ZBTB7C: variants seen among roughly 807,000 people sequenced by gnomAD.
The protein encoded by ZBTB7C is zinc finger and BTB domain containing 7C.
Under a neutral mutation model 25.7 loss-of-function variants are expected in ZBTB7C, and 8 were observed. The observed-to-expected ratio is 0.31, with a 90% CI of 0.18 to 0.56. The LOEUF is 0.56. ZBTB7C is among the 20% of genes least tolerant of loss of function. ZBTB7C has a pLI of 0.91. For synonymous variants in ZBTB7C, 394 were observed against 369.0 expected (o/e 1.07, Z -0.78); for missense variants, 824 against 855.2 (o/e 0.96, Z 0.46).
At chr18:48,296,933 T>C (rs1006338032) in intron 2 of ZBTB7C, among the ~76,000 whole-genome samples, 5 of 152,126 alleles carry the variant, frequency 3.3e-5, no homozygotes, top group African/African-American at 1.2e-4. Flanking sequence ...CCAAACCCCG[T>C]CTCTACTAAA....
chr18:48,285,537 A>G (rs2045017174), intron 2 of ZBTB7C, among the ~76,000 whole-genome samples: 1 of 152,080 alleles, frequency 6.6e-6, no homozygotes, highest in Non-Finnish European at 1.5e-5. Context: ...TTTTTTGTAG[A>G]GATGAGGTCT....
Position 48,207,434 on chromosome 18 carries a change from T to TA in ZBTB7C, c.-78-21440dup, listed in dbSNP as rs1416561981. On this transcript the variant is annotated intron_variant, in intron 2 of 4. Coordinates refer to ENST00000590800, the MANE Select transcript of ZBTB7C (RefSeq NM_001318841.2). ...AAATATCCATCAACAATAAAATGGGTAAAAAAAGTGTGGCATAGTTACTGC... is the reference window on the plus strand; with the variant it reads ...AAATATCCATCAACAATAAAATGGGTAAAAAAAAGTGTGGCATAGTTACTGC... Among the ~76,000 whole-genome samples the TA allele has an allele frequency of 3.9e-5, 6 of 152,060 alleles. No homozygotes were observed. In the South Asian group the frequency reaches 1.2e-3, roughly 32 times the overall value.
chr18:48,194,186 C>G (rs2042264652), intron 2 of ZBTB7C, among the ~76,000 whole-genome samples: 1 of 152,338 alleles, frequency 6.6e-6, no homozygotes, highest in Admixed American at 6.5e-5. Context: ...GCTGCCCAAT[C>G]TGGGTCCTCT....
chr18:48,130,726 AG>A (rs2039961718), intron 3 of ZBTB7C, among the ~76,000 whole-genome samples: 2 of 152,152 alleles, frequency 1.3e-5, no homozygotes, highest in South Asian at 4.1e-4. Flanking sequence ...ATCTCTGTGG[AG>A]AACACCAGCG....
intron 2 of ZBTB7C, among the ~76,000 whole-genome samples, chr18:48,225,338 G>C (rs529158086): frequency 6.6e-6 from 1 of 151,932 alleles, no homozygotes; most frequent in East Asian, 1.9e-4. Flanking sequence ...GAAGGAGAGG[G>C]AGAGAGAATG....
rs1196551896 is a variant in ZBTB7C, at chr18:48,367,190, TATATATATATATACAC to T, written c.-303-28808_-303-28793del. On this transcript the variant is annotated intron_variant, in intron 1 of 4. Coordinates refer to ENST00000590800, the MANE Select transcript of ZBTB7C (RefSeq NM_001318841.2). ...TCCCCAAGTTTTATATATATATATA[TATATATATATATACAC>T]ACACACACACACACACACACACACA... Among the ~76,000 whole-genome samples, 226 of 68,526 alleles carry T rather than the reference TATATATATATATACAC, an allele frequency of 3.3e-3. 4 individuals carry two copies. The East Asian group carries it at 0.044, about 13-fold the overall frequency. 45.0% of individuals were successfully genotyped at this position (68,526 alleles called of 152,430 possible). A position where few individuals can be genotyped will look rare whatever the true frequency, so the allele number is the denominator to read the frequency against.
intron 1 of ZBTB7C, among the ~76,000 whole-genome samples, chr18:48,391,960 C>T (rs2145264226): frequency 6.6e-6 from 1 of 152,352 alleles, no homozygotes; most frequent in African/African-American, 2.4e-5. Context: ...CCGGCCACAA[C>T]TGTCATCGTT....
At chr18:48,163,656 A>T (rs1252205579) in intron 3 of ZBTB7C, among the ~76,000 whole-genome samples, 2 of 152,246 alleles carry the variant, frequency 1.3e-5, no homozygotes, top group Non-Finnish European at 2.9e-5. Context: ...GGACTTGCCC[A>T]AATTCATGTG....
intron 3 of ZBTB7C, among the ~76,000 whole-genome samples, chr18:48,054,078 A>G (rs1185549094): frequency 6.6e-6 from 1 of 152,206 alleles, no homozygotes; most frequent in African/African-American, 2.4e-5. Context: ...GAGACAGGCT[A>G]GTCTGGGAAG....
intron 3 of ZBTB7C, among the ~76,000 whole-genome samples, chr18:48,099,532 A>C: frequency 6.6e-6 from 1 of 152,104 alleles, no homozygotes; most frequent in East Asian, 1.9e-4. Flanking sequence ...CCCCTCCCTC[A>C]TGCATACCTT....
intron 2 of ZBTB7C, among the ~76,000 whole-genome samples, chr18:48,235,150 A>G (rs552828682): frequency 1.6e-4 from 24 of 152,234 alleles, no homozygotes; most frequent in African/African-American, 4.1e-4. Context: ...GGTAGATTAA[A>G]CCTATTTATA....
intron 2 of ZBTB7C, among the ~76,000 whole-genome samples, chr18:48,325,796 G>T (rs560980123): frequency 6.6e-6 from 1 of 152,298 alleles, no homozygotes; most frequent in East Asian, 1.9e-4. Flanking sequence ...GACAGGTGAA[G>T]AAAGGGCTTG....
intron 1 of ZBTB7C, among the ~76,000 whole-genome samples, chr18:48,380,221 T>C (rs2047604359): frequency 6.6e-6 from 1 of 152,210 alleles, no homozygotes. Context: ...ATAAGCAGAA[T>C]GTATAAGACT....
intron 3 of ZBTB7C, among the ~76,000 whole-genome samples, chr18:48,144,357 T>C (rs991247138): frequency 2.6e-5 from 4 of 152,200 alleles, no homozygotes; most frequent in African/African-American, 9.6e-5. Context: ...TTATTTTATT[T>C]TTTTTAGACA....
chr18:48,153,335 A>G (rs2040735656), intron 3 of ZBTB7C, among the ~76,000 whole-genome samples: 1 of 152,222 alleles, frequency 6.6e-6, no homozygotes, highest in African/African-American at 2.4e-5. Flanking sequence ...CTGAGGTACA[A>G]GGAAGTTTAG....
At chr18:48,288,265 C>T (rs1659367213) in intron 2 of ZBTB7C, among the ~76,000 whole-genome samples, 1 of 152,150 alleles carries the variant, frequency 6.6e-6, no homozygotes, top group Admixed American at 6.5e-5. Flanking sequence ...ATCCTAGCCC[C>T]CAAGGTAATT....
intron 1 of ZBTB7C, among the ~76,000 whole-genome samples, chr18:48,395,537 C>T (rs1176536014): frequency 6.6e-6 from 1 of 150,638 alleles, no homozygotes; most frequent in African/African-American, 2.5e-5. Flanking sequence ...GATCTGTGTA[C>T]TTGTGTTCTA....
intron 2 of ZBTB7C, among the ~76,000 whole-genome samples, chr18:48,228,746 C>CAG (rs2043173371): frequency 7.7e-6 from 1 of 130,456 alleles, no homozygotes; most frequent in Non-Finnish European, 1.6e-5. Context: ...CTCTCTCTCT[C>CAG]TCACACACAC....
chr18:48,309,821 G>T (rs529487115), intron 2 of ZBTB7C, among the ~76,000 whole-genome samples: 2 of 152,154 alleles, frequency 1.3e-5, no homozygotes, highest in Non-Finnish European at 1.5e-5. Flanking sequence ...TACTCTAGTT[G>T]GTCAACTTCA....
Sources: gnomAD v4.1 joint callset for allele counts (sites outside exome capture counted in the v4.1 genomes callset) on GRCh38, gnomAD v4.1.1 for gene constraint, MANE v1.5 for transcripts, NCBI Gene and HGNC (gene_info 2026-07-23, HGNC 2026-07-21) for gene names.